Variants in RBM33 observed in about 807,000 individuals in gnomAD.
RBM33 encodes the protein RNA-binding protein 33.
A neutral mutation model predicts 132.6 loss-of-function variants in RBM33; 28 were observed. That is an observed-to-expected ratio of 0.21 (90% CI 0.16 to 0.29). The LOEUF is 0.29. Among genes scored for constraint, RBM33 ranks in the 10% least tolerant of loss-of-function variants. The pLI, the probability that RBM33 is intolerant of heterozygous loss-of-function variation, is 1.00. For synonymous variants in RBM33, 634 were observed against 593.0 expected, an observed-to-expected ratio of 1.07 and a Z score of -1.01; for missense variants, 1,291 against 1,518.5, an observed-to-expected ratio of 0.85 and a Z score of 2.49.
At chr7:155,649,837 C>T (rs888777446) in intron 1 of RBM33, among the ~76,000 whole-genome samples, 6 of 152,338 alleles carry the variant, frequency 3.9e-5, no homozygotes, top group East Asian at 1.9e-4. Context: ...CCTGTGCTTA[C>T]GTTACTTCAT....
rs1397305708 is a variant in RBM33 at position 155,774,851 on chromosome 7, G to T, written c.3465-142G>T. ...GAGAATTGCCCCTTGTGTTTTAATAGATCTTCCCGGGGAATCTGCCTTTTT... is the reference window on the plus strand; with the variant it reads ...GAGAATTGCCCCTTGTGTTTTAATATATCTTCCCGGGGAATCTGCCTTTTT... On this transcript the variant is annotated intron_variant, in intron 17 of 17. Transcript: ENST00000401878. The surrounding 1 kb of genome is among the most constrained non-coding windows in gnomAD (Gnocchi z 4.2). 7 of 804,560 alleles carry T rather than the reference G, an allele frequency of 8.7e-6. No individual in the cohort carries two copies. Among genetic ancestry groups the T allele is most frequent in the Admixed American group, 2.4e-5 (1 of 42,112 alleles). 49.8% of individuals were successfully genotyped at this position (804,560 alleles called of 1,614,324 possible).
At chr7:155,691,263 C>T (rs1309108137) in intron 5 of RBM33, among the ~76,000 whole-genome samples, 1 of 152,194 alleles carries the variant, frequency 6.6e-6, no homozygotes, top group Non-Finnish European at 1.5e-5. Context: ...ATCGAATCGG[C>T]TACTGAAGCT....
intron 3 of RBM33, among the ~76,000 whole-genome samples, chr7:155,675,782 A>C (rs923736749): frequency 2.0e-5 from 3 of 152,140 alleles, no homozygotes; most frequent in African/African-American, 7.2e-5. Context: ...GGAAACATTT[A>C]ATGGTTCTTG....
chr7:155,739,641 A>T, intron 11 of RBM33, 74 bp from the exon 12 acceptor site: 1 of 1,435,522 alleles, frequency 7.0e-7, no homozygotes. Context: ...GAGGTTTTTT[A>T]GGAAATGATT....
chr7:155,714,408 G>A lies in RBM33; in HGVS notation c.1201+2953G>A, dbSNP rs1386179590. The stretch of plus-strand genomic sequence containing the variant: ...TGAATCAGGATCCTAGAGGGAGTGA[G>A]ATGGAAGGGTGGAATGGTCACCAGG... On this transcript the variant is annotated intron_variant, in intron 8 of 17. Coordinates refer to ENST00000401878, the MANE Select transcript of RBM33 (RefSeq NM_053043.3). Among the ~76,000 whole-genome samples the A allele has an allele frequency of 1.3e-5, 2 of 152,184 alleles. 1 individual carries two copies. The highest frequency in any genetic ancestry group is 4.8e-5 in the African/African-American group (2 of 41,428).
Position 155,737,668 on chromosome 7 carries a change from G to C in RBM33, c.1393+6G>C. The C allele has an allele frequency of 1.9e-6, 3 of 1,572,284 alleles. No homozygotes were observed. Among genetic ancestry groups the C allele is most frequent in the Non-Finnish European group, 2.6e-6 (3 of 1,164,394 alleles). On this transcript the variant is annotated splice_donor_region_variant and intron_variant, in intron 10 of 17. Coordinates refer to ENST00000401878, the MANE Select transcript of RBM33 (RefSeq NM_053043.3). Reference sequence around the variant, plus strand: ...AGACCCTTTCTTCTTAGGAGGTACAGAAAGAGTGAGTGGTGTGGAGTAACA... The same window carrying C: ...AGACCCTTTCTTCTTAGGAGGTACACAAAGAGTGAGTGGTGTGGAGTAACA...
At chr7:155,721,472 T>G (rs1800623396) in intron 9 of RBM33, among the ~76,000 whole-genome samples, 1 of 152,188 alleles carries the variant, frequency 6.6e-6, no homozygotes, top group African/African-American at 2.4e-5. Context: ...TATAGTAGAA[T>G]TATATCACAT....
chr7:155,673,108 A>G (rs1798988857), intron 3 of RBM33, among the ~76,000 whole-genome samples, 193 bp downstream of exon 3: 2 of 152,166 alleles, frequency 1.3e-5, no homozygotes, highest in Non-Finnish European at 2.9e-5. Context: ...TTATAACTCA[A>G]GAAATAAATC....
chr7:155,711,871 G>T (rs976895303), intron 8 of RBM33, among the ~76,000 whole-genome samples: 3 of 152,232 alleles, frequency 2.0e-5, no homozygotes, highest in African/African-American at 7.2e-5. Context: ...AGATTACTGT[G>T]CATCTGAAGG....
chr7:155,673,953 T>TTTTTTTTTTTTTG (rs1799099476), intron 3 of RBM33, among the ~76,000 whole-genome samples: 1 of 110,166 alleles, frequency 9.1e-6, no homozygotes, highest in Non-Finnish European at 1.8e-5. Context: ...TTTTTTTTTT[T>TTTTTTTTTTTTTG]TTTTTTTTTT....
intron 1 of RBM33, among the ~76,000 whole-genome samples, chr7:155,650,011 T>C (rs188726051): frequency 7.4e-4 from 113 of 152,328 alleles, no homozygotes; most frequent in African/African-American, 2.5e-3. Flanking sequence ...CCATTATACA[T>C]GGGAGCCCCC....
rs758353946 is a variant in RBM33 at position 155,764,059 on chromosome 7, G to A, written c.3186+41G>A. The stretch of plus-strand genomic sequence containing the variant: ...TCGCACGCAGCCCTGGAAACGCGAA[G>A]GCCGGTGTGAGGCAGTGTTCAGACG... On this transcript the variant is annotated intron_variant, in intron 15 of 17. Coordinates refer to ENST00000401878, the MANE Select transcript of RBM33 (RefSeq NM_053043.3). The A allele has an allele frequency of 7.6e-6, 11 of 1,454,864 alleles. No homozygotes were observed. In the South Asian group the frequency reaches 1.4e-4, roughly 19 times the overall value. The allele number at this position is 1,454,864 out of a possible 1,614,324, so 90.1% of individuals were successfully genotyped here.
chr7:155,725,490 C>T (rs1227930582), intron 9 of RBM33, among the ~76,000 whole-genome samples: 2 of 151,994 alleles, frequency 1.3e-5, no homozygotes, highest in African/African-American at 4.8e-5. Context: ...TGAAATTGAA[C>T]TTCCATAAAC....
chr7:155,661,036 G>T (rs1485390503), intron 1 of RBM33, among the ~76,000 whole-genome samples: 1 of 145,112 alleles, frequency 6.9e-6, no homozygotes, highest in Non-Finnish European at 1.5e-5. Flanking sequence ...ACTCATTTTA[G>T]TTATTTTTCA....
At chr7:155,652,215 A>C (rs1798374625) in intron 1 of RBM33, among the ~76,000 whole-genome samples, 1 of 152,208 alleles carries the variant, frequency 6.6e-6, no homozygotes, top group Non-Finnish European at 1.5e-5. Context: ...TACAAAGGTC[A>C]GCAAACTTTT....
intron 3 of RBM33, among the ~76,000 whole-genome samples, chr7:155,678,289 G>T (rs1799242985): frequency 1.3e-5 from 2 of 152,014 alleles, no homozygotes; most frequent in Admixed American, 1.3e-4. Flanking sequence ...CTTTTTTTGT[G>T]TATTATAAGG....
intron 7 of RBM33, among the ~76,000 whole-genome samples, chr7:155,708,779 C>T (rs1389300643): frequency 3.9e-5 from 6 of 152,244 alleles, no homozygotes; most frequent in South Asian, 4.1e-4. Context: ...TGGTATCCTC[C>T]GCTCCAACTG....
intron 14 of RBM33, among the ~76,000 whole-genome samples, chr7:155,753,345 G>T (rs1563176804): frequency 1.3e-5 from 2 of 152,206 alleles, no homozygotes; most frequent in Non-Finnish European, 2.9e-5. Flanking sequence ...GTGTTAAGTG[G>T]CAAATCTGCA....
chr7:155,644,987 G>A (rs1035331049), intron 1 of RBM33, 68 bp downstream of exon 1: 23 of 1,269,786 alleles, frequency 1.8e-5, no homozygotes, highest in Non-Finnish European at 2.3e-5. Context: ...AGGCCGGGGG[G>A]CCTCCCCGCT....
Sources: gnomAD v4.1 joint callset for allele counts (sites outside exome capture counted in the v4.1 genomes callset) on GRCh38, gnomAD v4.1.1 for gene constraint, Gnocchi (gnomAD v3.1) non-coding constraint, MANE v1.5 for transcripts, NCBI Gene and HGNC (gene_info 2026-07-23, HGNC 2026-07-21) for gene names.